The following PIK3C2A variants were observed in gnomAD, a reference collection of about 807,000 sequenced individuals.
The protein encoded by PIK3C2A is phosphatidylinositol 4-phosphate 3-kinase C2 domain-containing subunit alpha.
A neutral mutation model predicts 204.5 loss-of-function variants in PIK3C2A; 97 were observed. That is an observed-to-expected ratio of 0.47 (90% CI 0.40 to 0.56). The LOEUF (loss-of-function observed/expected upper bound fraction) is 0.56, where lower values mean the gene tolerates loss of function less well. Among genes scored for constraint, PIK3C2A ranks in the 20% least tolerant of loss-of-function variants. The pLI is 0.00. For missense variants in PIK3C2A, 1,735 were observed against 1,969.2 expected, an observed-to-expected ratio of 0.88 and a Z score of 2.25; for synonymous variants, 653 against 664.4, an observed-to-expected ratio of 0.98 and a Z score of 0.26.
intron 1 of PIK3C2A, among the ~76,000 whole-genome samples, chr11:17,180,473 T>C (rs938709224): frequency 2.7e-5 from 4 of 150,234 alleles, no homozygotes; most frequent in African/African-American, 9.9e-5. Flanking sequence ...ATCTTTCTAA[T>C]ACATTAAAAA....
chr11:17,139,362 G>A (rs1849979861), intron 8 of PIK3C2A, among the ~76,000 whole-genome samples: 1 of 152,004 alleles, frequency 6.6e-6, no homozygotes, highest in South Asian at 2.1e-4. Context: ...CGAGAAGGTG[G>A]GATTACAAGC....
Position 17,148,659 on chromosome 11 carries a change from A to G in PIK3C2A, c.1448+8T>C, listed in dbSNP as rs1389265038. 1.9e-6 allele frequency: 3 copies of G among 1,611,400 alleles called. No homozygotes were observed. The highest frequency in any genetic ancestry group is 2.5e-6 in the Non-Finnish European group (3 of 1,178,976). ...CAAGGATGTTGCTCAGTAGTTAAAT[A>G]AACTTACTTCTGCAGCACTTCCTCT... On this transcript the variant is annotated splice_region_variant and intron_variant, in intron 5 of 32. Coordinates refer to ENST00000691414, the MANE Select transcript of PIK3C2A (RefSeq NM_002645.4).
At chr11:17,154,486 A>G (rs376090300) in intron 3 of PIK3C2A, among the ~76,000 whole-genome samples, 15 of 152,288 alleles carry the variant, frequency 9.8e-5, no homozygotes, top group East Asian at 7.7e-4. Context: ...AAATCCTGCT[A>G]TGCTTAAAGC....
rs1318038665 is a variant in PIK3C2A, at chr11:17,087,212, G to A, written c.*2526C>T. 6.6e-6 allele frequency: 1 copy of A among 152,058 alleles called. No homozygotes were observed. The highest frequency in any genetic ancestry group is 2.1e-4 in the South Asian group (1 of 4,828). The allele number at this position is 152,058 out of a possible 1,614,324, so 9.4% of individuals were successfully genotyped here. ...ATTATACATAAAAATTAGTGTCTTG[G>A]CCAGTTTGTTAAACTTTTTTTAGAT... On this transcript the variant is annotated 3_prime_UTR_variant, in exon 33 of 33. Coordinates refer to ENST00000691414, the MANE Select transcript of PIK3C2A (RefSeq NM_002645.4).
rs143984507 is a variant in PIK3C2A, at chr11:17,169,524, T to C, written c.218A>G (p.Tyr73Cys). ...KKAQVYNKQD[Y>C]DLMVFPESDS... ...TGATTCAGGAAACACCATGAGATCA[T>C]AATCCTGCTTGTTATAAACCTGTGC... The change falls in exon 2 of 33, where the codon TAT (tyrosine) becomes TGT (cysteine). Residue 73 changes from tyrosine (Y) to cysteine (C), a missense_variant. Tyr to Cys is a radical substitution (Grantham distance 194). This residue lies in a region of PIK3C2A where 536 missense variants were observed against 546.7 expected (regional missense o/e 0.98). Transcript: ENST00000691414. The C allele has an allele frequency of 2.5e-5, 40 of 1,613,982 alleles. No individual in the cohort carries two copies. The African/African-American group carries it at 4.9e-4, about 20-fold the overall frequency.
chr11:17,167,988 G>T (rs1384832256), intron 2 of PIK3C2A, among the ~76,000 whole-genome samples: 1 of 151,438 alleles, frequency 6.6e-6, no homozygotes, highest in Non-Finnish European at 1.5e-5. Flanking sequence ...TCTATAATGG[G>T]GCTAAAAACC....
chr11:17,117,657 GC>G lies in PIK3C2A; in HGVS notation c.3049del (p.Ala1017ProfsTer21), dbSNP rs1565252902. On this transcript the variant is annotated frameshift_variant, in exon 19 of 33. Transcript: ENST00000691414. LOFTEE classifies it high-confidence loss of function. ...AHNLYWLLKDALHDVQFSTRY... is the reference protein window; with the variant it reads ...AHNLYWLLKDXLHDVQFSTRY... ...GGTACTAAACTGTACATCATGCAGG[GC>G]ATCTTTGAGAAGCCTAATACAGCAA... 1 of 1,598,662 alleles carries G rather than the reference GC, an allele frequency of 6.3e-7. No individual in the cohort carries two copies.
chr11:17,186,125 C>T (rs1255369978), intron 1 of PIK3C2A, among the ~76,000 whole-genome samples: 2 of 152,182 alleles, frequency 1.3e-5, no homozygotes, highest in Non-Finnish European at 2.9e-5. Context: ...CTCTGCTCTT[C>T]TGTTACCTCT....
At position 17,122,760 on chromosome 11, in the gene PIK3C2A, T is replaced by A; in HGVS notation, c.2453A>T (p.Asn818Ile). ...TTTGGTAACTGTTCCAGGAACAGAA[T>A]TTGTATGTGATGAAGTCCAAAGATA... ...LLYLWTSSHT[N>I]SVPGTVTKKG... The change falls in exon 14 of 33, where the codon AAT (asparagine) becomes ATT (isoleucine). Residue 818 changes from asparagine (N) to isoleucine (I), a missense_variant. This residue lies in a region of PIK3C2A where 567 missense variants were observed against 576.0 expected (regional missense o/e 0.98). Transcript: ENST00000691414. 1.3e-6 allele frequency: 2 copies of A among 1,575,292 alleles called. No homozygotes were observed. Among genetic ancestry groups the A allele is most frequent in the South Asian group, 1.1e-5 (1 of 88,474 alleles).
At chr11:17,120,744 T>A (rs929910261) in intron 15 of PIK3C2A, among the ~76,000 whole-genome samples, 3 of 152,204 alleles carry the variant, frequency 2.0e-5, no homozygotes, top group African/African-American at 7.2e-5. Context: ...TACACTATTC[T>A]ACTCCTGGTT....
intron 1 of PIK3C2A, among the ~76,000 whole-genome samples, chr11:17,190,921 T>C (rs1207748828): frequency 2.6e-5 from 4 of 152,054 alleles, no homozygotes; most frequent in South Asian, 2.1e-4. Flanking sequence ...AGAAGAAATA[T>C]TTTAAAAGGA....
chr11:17,113,714 G>T (rs1344699580), intron 20 of PIK3C2A, among the ~76,000 whole-genome samples: 1 of 150,486 alleles, frequency 6.6e-6, no homozygotes, highest in South Asian at 2.1e-4. Context: ...CCTGGGAGGC[G>T]GAGGTCGCAA....
At chr11:17,188,498 TAAG>T (rs1851833240) in intron 1 of PIK3C2A, among the ~76,000 whole-genome samples, 1 of 147,028 alleles carries the variant, frequency 6.8e-6, no homozygotes, top group Admixed American at 6.6e-5. Context: ...TAGATGGGGA[TAAG>T]AAGAAACAAA....
intron 6 of PIK3C2A, among the ~76,000 whole-genome samples, chr11:17,146,558 CA>C (rs1256685151): frequency 0.023 from 3,264 of 139,082 alleles, 101 homozygotes; most frequent in African/African-American, 0.077. Flanking sequence ...ACTAAAAATA[CA>C]AAAAAAAAAA....
At chr11:17,144,137 A>G (rs1357978060) in intron 8 of PIK3C2A, among the ~76,000 whole-genome samples, 1 of 152,124 alleles carries the variant, frequency 6.6e-6, no homozygotes. Flanking sequence ...TATACTTTGT[A>G]CTCTATCACA....
intron 1 of PIK3C2A, among the ~76,000 whole-genome samples, chr11:17,178,427 G>A (rs1401976299): frequency 6.6e-6 from 1 of 152,066 alleles, no homozygotes; most frequent in African/African-American, 2.4e-5. Context: ...TTTCTGGGTG[G>A]TAAGGAAAAA....
intron 1 of PIK3C2A, among the ~76,000 whole-genome samples, chr11:17,183,603 C>T (rs767026612): frequency 1.3e-5 from 2 of 152,050 alleles, no homozygotes; most frequent in Non-Finnish European, 2.9e-5. Flanking sequence ...ATCCCTTGAA[C>T]CTGGGAGGCA....
chr11:17,143,414 A>G (rs1294037770), intron 8 of PIK3C2A, among the ~76,000 whole-genome samples: 1 of 152,144 alleles, frequency 6.6e-6, no homozygotes, highest in Non-Finnish European at 1.5e-5. Context: ...TCCACAATAC[A>G]GCCAGAGTGA....
At chr11:17,126,193 A>C (rs934495372) in intron 13 of PIK3C2A, among the ~76,000 whole-genome samples, 2 of 152,174 alleles carry the variant, frequency 1.3e-5, no homozygotes, top group African/African-American at 4.8e-5. Context: ...AAATAACTGT[A>C]AAGGAAAGAC....
Sources: gnomAD v4.1 joint callset for allele counts (sites outside exome capture counted in the v4.1 genomes callset) on GRCh38, gnomAD v4.1.1 for gene constraint, gnomAD v4.1.1 regional missense constraint, MANE v1.5 for transcripts, NCBI Gene and HGNC (gene_info 2026-07-23, HGNC 2026-07-21) for gene names.